Variants in CSNK2A2IP observed in about 807,000 individuals in gnomAD.
CSNK2A2IP encodes casein kinase II subunit alpha'-interacting protein.
the CSNK2A2IP span, among the ~76,000 whole-genome samples, chr3:88,457,097 G>C: frequency 2.9e-4 from 44 of 152,118 alleles, no homozygotes; most frequent in African/African-American, 9.9e-4. Context: ...TTTCTATGAA[G>C]GGCTTTTTAC....
the CSNK2A2IP span, among the ~76,000 whole-genome samples, chr3:88,446,866 A>G: frequency 6.6e-6 from 1 of 152,220 alleles, no homozygotes; most frequent in Non-Finnish European, 1.5e-5. Context: ...TATAATTAAC[A>G]TAATCATTAT....
At chr3:88,389,613 G>A in the CSNK2A2IP span, among the ~76,000 whole-genome samples, 4 of 152,302 alleles carry the variant, frequency 2.6e-5, 1 homozygote, top group South Asian at 6.2e-4. Context: ...ACTGCATGGA[G>A]GTTCAGGGTA....
At chr3:88,407,712 C>CTATTTATT in the CSNK2A2IP span, among the ~76,000 whole-genome samples, 733 of 150,168 alleles carry the variant, frequency 4.9e-3, 11 homozygotes, top group East Asian at 0.016. Flanking sequence ...AGTGTGCAAT[C>CTATTTATT]TATTTATTTA....
At chr3:88,356,123 T>G in the CSNK2A2IP span, among the ~76,000 whole-genome samples, 16 of 152,142 alleles carry the variant, frequency 1.1e-4, no homozygotes, top group African/African-American at 3.9e-4. Flanking sequence ...TTAGTTACTT[T>G]GAAATATACA....
At chr3:88,364,925 C>A in the CSNK2A2IP span, among the ~76,000 whole-genome samples, 1 of 152,152 alleles carries the variant, frequency 6.6e-6, no homozygotes, top group Admixed American at 6.6e-5. Flanking sequence ...CTACACTCTG[C>A]TAACTGTTCC....
chr3:88,408,796 A>C, the CSNK2A2IP span, among the ~76,000 whole-genome samples: 1 of 151,866 alleles, frequency 6.6e-6, no homozygotes, highest in African/African-American at 2.4e-5. Flanking sequence ...CAAGGATTTG[A>C]GTACCTAACA....
the CSNK2A2IP span, among the ~76,000 whole-genome samples, chr3:88,453,811 T>C: frequency 1.3e-5 from 2 of 152,030 alleles, no homozygotes; most frequent in Admixed American, 6.6e-5. Flanking sequence ...CTCCCTTACA[T>C]GGAACTACTA....
At chr3:88,448,585 T>C in the CSNK2A2IP span, among the ~76,000 whole-genome samples, 2 of 152,330 alleles carry the variant, frequency 1.3e-5, no homozygotes, top group African/African-American at 4.8e-5. Flanking sequence ...AATTCCTGAA[T>C]GGAGCTAAGG....
chr3:88,437,830 A>T, the CSNK2A2IP span, among the ~76,000 whole-genome samples: 1 of 152,166 alleles, frequency 6.6e-6, no homozygotes, highest in African/African-American at 2.4e-5. Context: ...TACTCCCACC[A>T]TCATTATTCA....
chr3:88,456,648 C>T, the CSNK2A2IP span, among the ~76,000 whole-genome samples: 1 of 110,910 alleles, frequency 9.0e-6, no homozygotes, highest in South Asian at 3.6e-4. Context: ...AATTTTACTT[C>T]TTCCTTTCCT....
chr3:88,461,911 GTT>G, the CSNK2A2IP span, among the ~76,000 whole-genome samples: 2 of 151,144 alleles, frequency 1.3e-5, no homozygotes, highest in Non-Finnish European at 3.0e-5. Context: ...CAGCTAATTT[GTT>G]TTTTTTGTAG....
chr3:88,457,472 G>C, the CSNK2A2IP span, among the ~76,000 whole-genome samples: 1 of 151,920 alleles, frequency 6.6e-6, no homozygotes, highest in Non-Finnish European at 1.5e-5. Flanking sequence ...GAGGTGGATG[G>C]ATCACCTGAG....
At chr3:88,403,592 A>G in the CSNK2A2IP span, among the ~76,000 whole-genome samples, 54 of 152,258 alleles carry the variant, frequency 3.5e-4, no homozygotes, top group African/African-American at 1.3e-3. Flanking sequence ...AGAAAGCAAT[A>G]ATAACAATAG....
chr3:88,352,010 T>C, the CSNK2A2IP span, among the ~76,000 whole-genome samples: 1 of 152,140 alleles, frequency 6.6e-6, no homozygotes, highest in Non-Finnish European at 1.5e-5. Flanking sequence ...CCACTTATCA[T>C]ATTGCTTTTA....
At chr3:88,463,952 C>T in the CSNK2A2IP span, among the ~76,000 whole-genome samples, 2 of 151,672 alleles carry the variant, frequency 1.3e-5, no homozygotes, top group East Asian at 1.9e-4. Flanking sequence ...CACATATACA[C>T]CATGGAATAT....
the CSNK2A2IP span, among the ~76,000 whole-genome samples, chr3:88,376,508 C>T: frequency 1.3e-5 from 2 of 151,764 alleles, no homozygotes; most frequent in Non-Finnish European, 2.9e-5. Flanking sequence ...CACTCCAAGG[C>T]TGAGTTCTTC....
the CSNK2A2IP span, among the ~76,000 whole-genome samples, chr3:88,383,655 T>C: frequency 3.7e-4 from 40 of 107,146 alleles, no homozygotes; most frequent in African/African-American, 1.1e-3. Flanking sequence ...TTCTTTCTTT[T>C]TTTTTTTTTT....
chr3:88,363,688 C>T, the CSNK2A2IP span, among the ~76,000 whole-genome samples: 8 of 152,262 alleles, frequency 5.3e-5, no homozygotes, highest in South Asian at 1.5e-3. Context: ...TTCCAGGATG[C>T]AGTTAAGTTA....
the CSNK2A2IP span, among the ~76,000 whole-genome samples, chr3:88,349,642 G>T: frequency 1.3e-5 from 2 of 151,948 alleles, no homozygotes; most frequent in East Asian, 1.9e-4. Flanking sequence ...TTTTTGGGGG[G>T]TAGATGCCCA....
Sources: gnomAD v4.1 joint callset for allele counts (sites outside exome capture counted in the v4.1 genomes callset) on GRCh38, gnomAD v4.1.1 for gene constraint, MANE v1.5 for transcripts, NCBI Gene and HGNC (gene_info 2026-07-23, HGNC 2026-07-21) for gene names.